The following ZNF846 variants were observed in gnomAD, a reference collection of about 807,000 sequenced individuals.
ZNF846 encodes the protein zinc finger protein 420 pseudogene.
ZNF846 carries 15 observed loss-of-function variants against 16.0 expected under a neutral mutation model. The ratio of observed to expected loss-of-function variants is 0.94; its 90% CI spans 0.63 to 1.45. The LOEUF (loss-of-function observed/expected upper bound fraction) is 1.45, where lower values mean the gene tolerates loss of function less well. Ranked by LOEUF, ZNF846 falls within the 40% of genes most tolerant of loss-of-function variation. ZNF846 has a pLI of 0.00. For synonymous variants in ZNF846, 229 were observed against 212.0 expected (o/e 1.08, Z -0.70); for missense variants, 714 against 622.3 (o/e 1.15, Z -1.57).
chr19:9,781,317 G>C (rs2045499468), intron 1 of ZNF846, among the ~76,000 whole-genome samples: 1 of 151,980 alleles, frequency 6.6e-6, no homozygotes, highest in African/African-American at 2.4e-5. Context: ...GGAGAGATGG[G>C]GTTTCACCAT....
In ZNF846 at chr19:9,761,685, A is replaced by C. The variant is rs533898682; in HGVS notation, c.229+397T>G. ...AAGATCATGTCACTGCACACCAGCC[A>C]GGGCGACAGTGCAAGACTCCATCTC... On this transcript the variant is annotated intron_variant, in intron 4 of 5. Transcript: ENST00000397902. Among the ~76,000 whole-genome samples, 31 of 151,600 alleles carry C rather than the reference A, an allele frequency of 2.0e-4. No homozygotes were observed. In the South Asian group the frequency reaches 6.3e-3, roughly 31 times the overall value.
Position 9,758,545 on chromosome 19 carries a change from CT to C in ZNF846, c.531del (p.Ala178ProfsTer40), listed in dbSNP as rs756276910. Reference sequence around the variant, plus strand: ...GTAAGATTTGGAAACTGGTTGAAGGCTTTTTCATGTTTAACACACTTAGGCA... The same window carrying C: ...GTAAGATTTGGAAACTGGTTGAAGGCTTTTCATGTTTAACACACTTAGGCA... On this transcript the variant is annotated frameshift_variant, in exon 6 of 6. Transcript: ENST00000397902. LOFTEE classifies it low-confidence loss of function (END_TRUNC). 747 of 1,612,990 alleles carry C rather than the reference CT, an allele frequency of 4.6e-4. 2 individuals carry two copies. Among genetic ancestry groups the C allele is most frequent in the Non-Finnish European group, 5.9e-4 (698 of 1,179,840 alleles).
intron 1 of ZNF846, among the ~76,000 whole-genome samples, chr19:9,784,415 C>T (rs148949748): frequency 3.0e-4 from 46 of 152,332 alleles, no homozygotes; most frequent in African/African-American, 1.1e-3. Context: ...TTTACACAAA[C>T]ATCTCAGTGC....
At position 9,763,280 on chromosome 19, in the gene ZNF846, A is replaced by G. The variant is rs772804416; in HGVS notation, c.142+2T>C. 1 of 1,576,228 alleles carries G rather than the reference A, an allele frequency of 6.3e-7. No homozygotes were observed. The highest frequency in any genetic ancestry group is 1.9e-5 in the Admixed American group (1 of 53,254). On this transcript the variant is annotated splice_donor_variant, in intron 3 of 5. Coordinates refer to ENST00000397902, the Ensembl canonical transcript of ZNF846. LOFTEE classifies it high-confidence loss of function. ...TCAGTGAAGAAATGATGCCAGTTTT[A>G]CCTAGTATAATGAGATTCTTGTAGT...
upstream of ZNF846, among the ~76,000 whole-genome samples, chr19:9,768,916 G>C (rs114578493): frequency 0.037 from 5,585 of 152,158 alleles, 345 homozygotes; most frequent in African/African-American, 0.13. Context: ...CCAGGATCCA[G>C]ATCAATCTGT....
intron 1 of ZNF846, among the ~76,000 whole-genome samples, chr19:9,779,818 C>A (rs977236442): frequency 2.6e-5 from 4 of 151,896 alleles, no homozygotes; most frequent in African/African-American, 9.7e-5. Context: ...GGTGATCCAC[C>A]CACCTCCAAC....
At position 9,764,932 on chromosome 19, in the gene ZNF846, T is replaced by C; in HGVS notation, c.15+4A>G. On this transcript the variant is annotated splice_donor_region_variant and intron_variant, in intron 2 of 5. Coordinates refer to ENST00000397902, the Ensembl canonical transcript of ZNF846. ...TTTTGAAGTTAGGTCTGCTTTCCAC[T>C]TGCCTGAGAAGAATCCATCAGTAAT... 1.2e-6 allele frequency: 2 copies of C among 1,614,156 alleles called. No individual in the cohort carries two copies. Among genetic ancestry groups the C allele is most frequent in the Non-Finnish European group, 1.7e-6 (2 of 1,180,006 alleles).
At chr19:9,771,097 T>A (rs1410489384), upstream of ZNF846, among the ~76,000 whole-genome samples, 2 of 151,970 alleles carry the variant, frequency 1.3e-5, no homozygotes, top group South Asian at 2.1e-4. Flanking sequence ...AATGTGTAGT[T>A]TTTTATCCAC....
chr19:9,750,270 C>T (rs1030719413), downstream of ZNF846, among the ~76,000 whole-genome samples: 3 of 152,166 alleles, frequency 2.0e-5, no homozygotes, highest in Admixed American at 1.3e-4. Context: ...CCTCCTGACC[C>T]CTCCTCTTGC....
chr19:9,759,774 G>T lies in ZNF846; in HGVS notation c.312+86C>A. 4.8e-6 allele frequency: 5 copies of T among 1,034,646 alleles called. No homozygotes were observed. In the East Asian group the frequency reaches 1.3e-4, roughly 26 times the overall value. 64.1% of individuals were successfully genotyped at this position (1,034,646 alleles called of 1,614,324 possible). A position where few individuals can be genotyped will look rare whatever the true frequency, so the allele number is the denominator to read the frequency against. The stretch of plus-strand genomic sequence containing the variant: ...ATCTCTTCAGACTTTGTTTTCTCTG[G>T]GTAAATGCCATTTTCCTCATATAAT... On this transcript the variant is annotated intron_variant, in intron 5 of 5. Coordinates refer to ENST00000397902, the Ensembl canonical transcript of ZNF846.
At chr19:9,762,198 C>T in intron 3 of ZNF846, 30 bp from the exon 4 acceptor site, 4 of 1,567,052 alleles carry the variant, frequency 2.6e-6, no homozygotes, top group East Asian at 2.2e-5. Flanking sequence ...AAAGAAGAGG[C>T]CCATGCAAGA....
intron 1 of ZNF846, chr19:9,774,654 T>A: frequency 6.8e-7 from 1 of 1,460,916 alleles, no homozygotes; most frequent in South Asian, 1.2e-5. Context: ...ACCTTCAGAA[T>A]CGAAATCAAC....
chr19:9,752,117 A>C (rs1251610856), downstream of ZNF846: 1 of 152,202 alleles, frequency 6.6e-6, no homozygotes, highest in Admixed American at 6.5e-5. Context: ...TCTTTATAAC[A>C]ACTCAAGAAC....
intron 1 of ZNF846, chr19:9,774,507 G>A (rs1312483533): frequency 1.8e-6 from 2 of 1,100,196 alleles, no homozygotes; most frequent in African/African-American, 1.6e-5. Flanking sequence ...ATGGCGGCCA[G>A]CAGGAGGCTG....
chr19:9,751,228 C>T (rs1291193848), downstream of ZNF846, among the ~76,000 whole-genome samples: 1 of 152,074 alleles, frequency 6.6e-6, no homozygotes, highest in Non-Finnish European at 1.5e-5. Context: ...CAATATCACC[C>T]CTTACCCCAA....
chr19:9,772,981 C>A (rs1198270294), upstream of ZNF846, among the ~76,000 whole-genome samples: 3 of 152,030 alleles, frequency 2.0e-5, no homozygotes, highest in African/African-American at 7.2e-5. Context: ...TGCTTGAACC[C>A]AGGAAGTGGA....
downstream of ZNF846, among the ~76,000 whole-genome samples, chr19:9,753,833 C>A (rs2045107660): frequency 6.6e-6 from 1 of 151,628 alleles, no homozygotes; most frequent in Admixed American, 6.6e-5. Context: ...CACATGGTTT[C>A]TCCTGGAAAC....
intron 1 of ZNF846, chr19:9,774,361 G>A (rs1403281459): frequency 5.8e-5 from 28 of 486,294 alleles, no homozygotes; most frequent in Non-Finnish European, 6.0e-5. Context: ...CCAGCTACTC[G>A]GGAGGCTGAG....
chr19:9,772,598 GA>G (rs58605747), upstream of ZNF846, among the ~76,000 whole-genome samples: 21,567 of 131,682 alleles, frequency 0.16, 2,659 homozygotes, highest in African/African-American at 0.36. Flanking sequence ...CTCCGTCTCA[GA>G]AAAAAAAAAA....
Sources: allele counts gnomAD v4.1 joint callset (sites outside exome capture counted in the v4.1 genomes callset), GRCh38; gene constraint gnomAD v4.1.1; transcripts MANE v1.5; gene names NCBI Gene and HGNC (gene_info 2026-07-23, HGNC 2026-07-21).